The following PKIG variants were observed in gnomAD, a reference collection of about 807,000 sequenced individuals.
The protein encoded by PKIG is protein kinase (cAMP-dependent, catalytic) inhibitor gamma.
Under a neutral mutation model 6.8 loss-of-function variants are expected in PKIG, and 1 was observed. The ratio of observed to expected loss-of-function variants is 0.15; its 90% CI spans 0.05 to 0.69. The LOEUF (loss-of-function observed/expected upper bound fraction) is 0.69, where lower values mean the gene tolerates loss of function less well. Ranked by LOEUF, PKIG falls within the 30% of genes least tolerant of loss-of-function variation. The pLI, the probability that PKIG is intolerant of heterozygous loss-of-function variation, is 0.82. For missense variants in PKIG, 77 were observed against 104.0 expected (o/e 0.74, Z 1.13); for synonymous variants, 39 against 43.0 (o/e 0.91, Z 0.36).
chr20:44,616,382 A>G lies in PKIG; in HGVS notation c.151+1675A>G, dbSNP rs189201147. Among the ~76,000 whole-genome samples, 644 of 152,254 alleles carry G rather than the reference A, an allele frequency of 4.2e-3. 1 individual carries two copies. Among genetic ancestry groups the G allele is most frequent in the Non-Finnish European group, 7.4e-3 (503 of 68,014 alleles). On this transcript the variant is annotated intron_variant, in intron 3 of 3. Transcript: ENST00000372886. ...GGCACATGATGGAGGTACCGAGTCA[A>G]TGGCTGTTCATTGACCGACTGAATG... is the stretch of plus-strand genomic sequence containing the variant.
rs2065292602 is a variant in PKIG, at chr20:44,618,550, G to A, written c.*186G>A. 2 of 564,356 alleles carry A rather than the reference G, an allele frequency of 3.5e-6. No homozygotes were observed. The highest frequency in any genetic ancestry group is 3.2e-6 in the Non-Finnish European group (1 of 313,254). The allele number at this position is 564,356 out of a possible 1,614,324, so 35.0% of individuals were successfully genotyped here. A position where few individuals can be genotyped will look rare whatever the true frequency, so the allele number is the denominator to read the frequency against. ...GGAAAGCCCTCTGCCCACACCCACA[G>A]GCTTCACATTCCCACCACCTTCGCA... On this transcript the variant is annotated 3_prime_UTR_variant, in exon 4 of 4. Coordinates refer to ENST00000372886, the MANE Select transcript of PKIG (RefSeq NM_001281445.2).
At chr20:44,612,791 G>A (rs1348981720) in intron 2 of PKIG, among the ~76,000 whole-genome samples, 2 of 152,182 alleles carry the variant, frequency 1.3e-5, no homozygotes, top group African/African-American at 4.8e-5. Flanking sequence ...TAGCCCAGCA[G>A]TTCTACTTCT....
intron 1 of PKIG, among the ~76,000 whole-genome samples, chr20:44,546,266 GGAGA>G: frequency 6.6e-6 from 1 of 152,108 alleles, no homozygotes. Context: ...GAGAAGGAGA[GGAGA>G]GAGGAGAGGA....
At chr20:44,598,411 T>G (rs1346001867) in intron 2 of PKIG, among the ~76,000 whole-genome samples, 1 of 152,158 alleles carries the variant, frequency 6.6e-6, no homozygotes, top group Non-Finnish European at 1.5e-5. Context: ...TCAGATAATT[T>G]GCAGACATGT....
intron 1 of PKIG, among the ~76,000 whole-genome samples, chr20:44,553,370 A>G (rs890917823): frequency 6.6e-6 from 1 of 152,188 alleles, no homozygotes; most frequent in Non-Finnish European, 1.5e-5. Context: ...CCTGAAGTGT[A>G]CATGTTAAGA....
chr20:44,601,535 T>C (rs2065121558), intron 2 of PKIG, among the ~76,000 whole-genome samples: 1 of 152,248 alleles, frequency 6.6e-6, no homozygotes, highest in Admixed American at 6.5e-5. Flanking sequence ...GTGCCTCTCT[T>C]TTCTGGCTTT....
intron 1 of PKIG, among the ~76,000 whole-genome samples, chr20:44,588,669 T>C (rs6031664): frequency 0.07 from 10,644 of 152,034 alleles, 404 homozygotes; most frequent in South Asian, 0.15. Flanking sequence ...GAGTCACTTA[T>C]ACCAAGAGTA....
chr20:44,532,874 G>T (rs1251458297), intron 1 of PKIG, among the ~76,000 whole-genome samples: 1 of 152,142 alleles, frequency 6.6e-6, no homozygotes. Context: ...GACTTCTTGG[G>T]AATCTGCAAG....
intron 2 of PKIG, among the ~76,000 whole-genome samples, chr20:44,600,702 A>G (rs940292887): frequency 3.7e-4 from 56 of 150,668 alleles, no homozygotes; most frequent in Non-Finnish European, 5.8e-4. Flanking sequence ...AAAAAAAAAA[A>G]GAAGAAGAAA....
intron 1 of PKIG, among the ~76,000 whole-genome samples, chr20:44,561,955 T>A (rs2064771007): frequency 1.3e-5 from 2 of 152,230 alleles, no homozygotes; most frequent in South Asian, 4.1e-4. Context: ...TCAGATCACA[T>A]TTTGTAAGTC....
intron 1 of PKIG, among the ~76,000 whole-genome samples, chr20:44,587,572 G>T (rs1470953842): frequency 6.6e-6 from 1 of 152,080 alleles, no homozygotes; most frequent in Non-Finnish European, 1.5e-5. Context: ...CTGATTTTCC[G>T]TTGGTTTGTT....
chr20:44,557,520 CAAAAA>C (rs3091847), intron 1 of PKIG, among the ~76,000 whole-genome samples: 1 of 63,540 alleles, frequency 1.6e-5, no homozygotes, highest in Non-Finnish European at 3.2e-5. Flanking sequence ...TGACAGGTGA[CAAAAA>C]AAAAAAAAAA....
At chr20:44,552,624 C>G (rs1263051242) in intron 1 of PKIG, among the ~76,000 whole-genome samples, 1 of 152,162 alleles carries the variant, frequency 6.6e-6, no homozygotes, top group Non-Finnish European at 1.5e-5. Flanking sequence ...GTATATAAAT[C>G]TAACCCAACC....
intron 1 of PKIG, among the ~76,000 whole-genome samples, chr20:44,556,719 C>CT (rs2064716847): frequency 6.6e-6 from 1 of 152,048 alleles, no homozygotes; most frequent in African/African-American, 2.4e-5. Flanking sequence ...TGAAACATTT[C>CT]TTTTTTTCTT....
At chr20:44,571,580 T>G (rs1301984440) in intron 1 of PKIG, among the ~76,000 whole-genome samples, 3 of 152,242 alleles carry the variant, frequency 2.0e-5, no homozygotes, top group Non-Finnish European at 4.4e-5. Flanking sequence ...GCTGCCAACA[T>G]GCATGTTAAC....
chr20:44,584,499 A>AG (rs2064973502), intron 1 of PKIG, among the ~76,000 whole-genome samples: 1 of 151,954 alleles, frequency 6.6e-6, no homozygotes, highest in African/African-American at 2.4e-5. Flanking sequence ...AAAAAAAAAA[A>AG]AAAAAAAGCA....
At chr20:44,581,668 C>T (rs1186737422), upstream of PKIG, among the ~76,000 whole-genome samples, 1 of 152,160 alleles carries the variant, frequency 6.6e-6, no homozygotes, top group African/African-American at 2.4e-5. Flanking sequence ...TGCTGCTTTT[C>T]ATGTCCCTAA....
chr20:44,558,638 CTTTT>C (rs929294497), intron 1 of PKIG, among the ~76,000 whole-genome samples: 2 of 138,580 alleles, frequency 1.4e-5, no homozygotes, highest in African/African-American at 2.8e-5. Flanking sequence ...TTCATTCTTT[CTTTT>C]TTTCTTTCTC....
At chr20:44,602,424 CTTTACACATTGT>C (rs1195784400) in intron 2 of PKIG, among the ~76,000 whole-genome samples, 1 of 152,226 alleles carries the variant, frequency 6.6e-6, no homozygotes, top group African/African-American at 2.4e-5. Flanking sequence ...GCCTTTTTCT[CTTTACACATTGT>C]AAATATCTTT....
Sources: allele counts gnomAD v4.1 joint callset (sites outside exome capture counted in the v4.1 genomes callset), GRCh38; gene constraint gnomAD v4.1.1; transcripts MANE v1.5; gene names NCBI Gene and HGNC (gene_info 2026-07-23, HGNC 2026-07-21).